The following AUTS2 variants were observed in gnomAD, a reference collection of about 807,000 sequenced individuals.
AUTS2 encodes the protein activator of transcription and developmental regulator AUTS2, also known as autism susceptibility gene 2 protein.
AUTS2 carries 17 observed loss-of-function variants against 112.4 expected under a neutral mutation model. The observed-to-expected ratio is 0.15, with a 90% confidence interval of 0.10 to 0.23. The LOEUF (loss-of-function observed/expected upper bound fraction) is 0.23. AUTS2 is among the 10% of genes least tolerant of loss of function. AUTS2 has a pLI of 1.00. For missense variants in AUTS2, 1,510 were observed against 1,701.6 expected, an observed-to-expected ratio of 0.89 and a Z score of 1.98; for synonymous variants, 751 against 702.7, an observed-to-expected ratio of 1.07 and a Z score of -1.09.
At chr7:70,176,282 A>T (rs1205959127) in intron 4 of AUTS2, among the ~76,000 whole-genome samples, 1 of 152,230 alleles carries the variant, frequency 6.6e-6, no homozygotes, top group South Asian at 2.1e-4. Context: ...TAATAATTAT[A>T]CAATAGTAGT....
At chr7:70,716,636 C>CAAAAAAAAAAAAAAAAA (rs34972760) in intron 6 of AUTS2, among the ~76,000 whole-genome samples, 2 of 64,940 alleles carry the variant, frequency 3.1e-5, no homozygotes, top group South Asian at 7.1e-4. Flanking sequence ...GACTCCGTCT[C>CAAAAAAAAAAAAAAAAA]AAAAAAAAAA....
intron 1 of AUTS2, among the ~76,000 whole-genome samples, chr7:69,748,105 G>A (rs889652649): frequency 6.6e-6 from 1 of 152,066 alleles, no homozygotes; most frequent in Admixed American, 6.6e-5. Flanking sequence ...TGAATTTTGT[G>A]TGGAGAGGAT....
chr7:70,265,436 A>G (rs1787371379), intron 4 of AUTS2, among the ~76,000 whole-genome samples: 1 of 152,214 alleles, frequency 6.6e-6, no homozygotes, highest in South Asian at 2.1e-4. Context: ...GAGTAATATA[A>G]TAAGGAATTA....
At chr7:70,751,801 A>G (rs1054566750) in intron 6 of AUTS2, among the ~76,000 whole-genome samples, 2 of 151,690 alleles carry the variant, frequency 1.3e-5, no homozygotes, top group African/African-American at 4.8e-5. Context: ...GCTCACTGCA[A>G]CCTCCGCCTC....
At chr7:70,282,939 A>T (rs1788289149) in intron 4 of AUTS2, among the ~76,000 whole-genome samples, 1 of 152,140 alleles carries the variant, frequency 6.6e-6, no homozygotes, top group Non-Finnish European at 1.5e-5. Context: ...TTATGCTATT[A>T]AAAAAATCAG....
intron 5 of AUTS2, among the ~76,000 whole-genome samples, chr7:70,679,599 G>GT (rs1347657570): frequency 3.9e-5 from 5 of 126,972 alleles, no homozygotes; most frequent in Non-Finnish European, 8.4e-5. Context: ...AAACTTTCAT[G>GT]TTAAAAAAAA....
At chr7:69,899,648 A>C in intron 2 of AUTS2, 150 bp downstream of exon 2, 1 of 713,364 alleles carries the variant, frequency 1.4e-6, no homozygotes. Flanking sequence ...GTGCCTTTAA[A>C]AGAATCTAAA....
At chr7:69,850,435 A>AAG (rs1792425069) in intron 1 of AUTS2, among the ~76,000 whole-genome samples, 1 of 137,644 alleles carries the variant, frequency 7.3e-6, no homozygotes, top group Non-Finnish European at 1.6e-5. Context: ...AAAAAAAAAA[A>AAG]GTCAGACTTT....
intron 4 of AUTS2, among the ~76,000 whole-genome samples, chr7:70,417,438 T>C (rs764860892): frequency 2.8e-4 from 42 of 152,154 alleles, no homozygotes; most frequent in Non-Finnish European, 5.3e-4. Context: ...AGCGAGGCAA[T>C]TTCCAGGCGT....
chr7:70,084,283 A>G (rs994653591), intron 2 of AUTS2, among the ~76,000 whole-genome samples: 2 of 152,276 alleles, frequency 1.3e-5, no homozygotes, highest in African/African-American at 4.8e-5. Context: ...TACTCAATTT[A>G]TGGATATACC....
At chr7:69,976,278 T>C (rs1798056020) in intron 2 of AUTS2, among the ~76,000 whole-genome samples, 3 of 152,230 alleles carry the variant, frequency 2.0e-5, no homozygotes, top group Non-Finnish European at 4.4e-5. Flanking sequence ...CACTGGCTTA[T>C]TTCACTTCAT....
chr7:69,841,871 A>T (rs1463964409), intron 1 of AUTS2, among the ~76,000 whole-genome samples: 2 of 152,204 alleles, frequency 1.3e-5, no homozygotes, highest in African/African-American at 2.4e-5. Flanking sequence ...TTGTGTTAGG[A>T]AAATATCTTT....
At chr7:69,788,787 A>G (rs1339905005) in intron 1 of AUTS2, among the ~76,000 whole-genome samples, 4 of 151,666 alleles carry the variant, frequency 2.6e-5, no homozygotes, top group African/African-American at 7.3e-5. Flanking sequence ...AAAAAAAGAC[A>G]CTTCTATGCC....
rs370289486 is a variant in AUTS2, at chr7:70,557,959, G to T, written c.690+122178G>T. ...CACTCAGAGTAAAGCTCTGCAGTCT[G>T]CTCCATGAAACTGTACCCAGCTGCA... On this transcript the variant is annotated intron_variant, in intron 5 of 18. Coordinates refer to ENST00000342771, the MANE Select transcript of AUTS2 (RefSeq NM_015570.4). Among the ~76,000 whole-genome samples the T allele has an allele frequency of 1.4e-4, 21 of 152,162 alleles. No homozygotes were observed. In the East Asian group the frequency reaches 2.5e-3, roughly 18 times the overall value.
At chr7:69,703,071 A>G (rs1797890734) in intron 1 of AUTS2, among the ~76,000 whole-genome samples, 1 of 152,224 alleles carries the variant, frequency 6.6e-6, no homozygotes, top group South Asian at 2.1e-4. Context: ...TTACTTTTGT[A>G]CCAACAGTAT....
At chr7:70,205,514 C>T (rs974070627) in intron 4 of AUTS2, among the ~76,000 whole-genome samples, 4 of 152,100 alleles carry the variant, frequency 2.6e-5, no homozygotes, top group South Asian at 2.1e-4. Flanking sequence ...TTTAGACACA[C>T]AAATACTTGC....
chr7:70,361,571 G>A (rs1025210687), intron 4 of AUTS2, among the ~76,000 whole-genome samples: 3 of 152,130 alleles, frequency 2.0e-5, no homozygotes, highest in African/African-American at 7.2e-5. Flanking sequence ...TTCCTAAGAT[G>A]CCTTTACGCT....
intron 4 of AUTS2, among the ~76,000 whole-genome samples, chr7:70,163,890 A>T (rs972547583): frequency 2.0e-5 from 3 of 152,184 alleles, no homozygotes; most frequent in African/African-American, 7.2e-5. Context: ...CTAGGCTAAG[A>T]CTGTGCTTGG....
chr7:70,583,491 C>G (rs905138792), intron 5 of AUTS2, among the ~76,000 whole-genome samples: 6 of 152,148 alleles, frequency 3.9e-5, no homozygotes, highest in African/African-American at 1.4e-4. Context: ...AGTAGCCAGT[C>G]GTTAACTCTT....
Sources: allele counts gnomAD v4.1 joint callset (sites outside exome capture counted in the v4.1 genomes callset), GRCh38; gene constraint gnomAD v4.1.1; transcripts MANE v1.5; gene names NCBI Gene and HGNC (gene_info 2026-07-23, HGNC 2026-07-21).